Variants in EPS15 observed in about 807,000 individuals in gnomAD.
The protein encoded by EPS15 is epidermal growth factor receptor pathway substrate 15.
Under a neutral mutation model 113.8 loss-of-function variants are expected in EPS15, and 72 were observed. That is an observed-to-expected ratio of 0.63 (90% CI 0.52 to 0.77). The LOEUF is 0.77. Ranked by LOEUF, EPS15 falls within the 30% of genes least tolerant of loss-of-function variation. EPS15 has a pLI of 0.00. For missense variants in EPS15, 1,048 were observed against 1,045.8 expected (o/e 1.00, Z -0.03); for synonymous variants, 344 against 363.4 (o/e 0.95, Z 0.61).
intron 21 of EPS15, among the ~76,000 whole-genome samples, chr1:51,375,189 G>A (rs1326954097): frequency 6.6e-6 from 1 of 151,278 alleles, no homozygotes; most frequent in Non-Finnish European, 1.5e-5. Context: ...TTTTAGTAGA[G>A]ACAGGGTTTC....
chr1:51,503,228 A>G (rs191253805), intron 1 of EPS15, among the ~76,000 whole-genome samples: 2 of 152,354 alleles, frequency 1.3e-5, no homozygotes, highest in East Asian at 3.9e-4. Flanking sequence ...CTATAGATTC[A>G]ATGCAATTTA....
chr1:51,417,654 G>C (rs1340002761), intron 13 of EPS15, among the ~76,000 whole-genome samples: 2 of 152,234 alleles, frequency 1.3e-5, no homozygotes, highest in Non-Finnish European at 2.9e-5. Flanking sequence ...GGAAAGACTG[G>C]TGTGGACCAA....
chr1:51,420,262 T>A (rs1222538782), intron 13 of EPS15, among the ~76,000 whole-genome samples: 1 of 152,150 alleles, frequency 6.6e-6, no homozygotes, highest in African/African-American at 2.4e-5. Flanking sequence ...ACACCAAATG[T>A]TCAGGGATAG....
intron 6 of EPS15, 98 bp from the exon 7 acceptor site, chr1:51,463,896 T>C (rs1570361883): frequency 1.7e-6 from 1 of 581,556 alleles, no homozygotes; most frequent in East Asian, 2.9e-5. Flanking sequence ...TACATATGTT[T>C]TTAAACTATC....
Position 51,498,638 on chromosome 1 carries a change from G to A in EPS15, c.34-17324C>T, listed in dbSNP as rs903700091. On this transcript the variant is annotated intron_variant, in intron 1 of 24. Coordinates refer to ENST00000371733, the MANE Select transcript of EPS15 (RefSeq NM_001981.3). ...CATATGATATTTTCCACTTACTATG[G>A]GTTTATCAGGATGCAACCCTATTGT... Among the ~76,000 whole-genome samples the A allele has an allele frequency of 7.2e-5, 11 of 152,062 alleles. 1 individual carries two copies. In the South Asian group the frequency reaches 1.7e-3, roughly 23 times the overall value.
At chr1:51,376,695 C>T (rs1646808391) in intron 21 of EPS15, among the ~76,000 whole-genome samples, 1 of 152,010 alleles carries the variant, frequency 6.6e-6, no homozygotes, top group African/African-American at 2.4e-5. Context: ...ACCCAAAAAT[C>T]TGCTCACTGA....
intron 13 of EPS15, among the ~76,000 whole-genome samples, chr1:51,411,021 CT>C (rs1480428146): frequency 1.3e-5 from 2 of 152,108 alleles, no homozygotes; most frequent in Non-Finnish European, 2.9e-5. Context: ...AAATAGTAAG[CT>C]ATGGATTCAA....
intron 8 of EPS15, among the ~76,000 whole-genome samples, chr1:51,460,308 A>G (rs1654346402): frequency 6.6e-6 from 1 of 152,252 alleles, no homozygotes; most frequent in Non-Finnish European, 1.5e-5. Flanking sequence ...AGAGGTGAAT[A>G]CAACCATATT....
chr1:51,463,906 C>A lies in EPS15; in HGVS notation c.376-108G>T, dbSNP rs368108942. 6 of 535,956 alleles carry A rather than the reference C, an allele frequency of 1.1e-5. No individual in the cohort carries two copies. In the African/African-American group the frequency reaches 1.2e-4, roughly 10 times the overall value. 33.2% of individuals were successfully genotyped at this position (535,956 alleles called of 1,614,324 possible). A position where few individuals can be genotyped will look rare whatever the true frequency, so the allele number is the denominator to read the frequency against. On this transcript the variant is annotated intron_variant, in intron 6 of 24. Transcript: ENST00000371733. ...TAGACTACATATGTTTTTAAACTAT[C>A]ATTTAAAAAACATTTTTCACTTTCA...
chr1:51,459,916 A>G (rs1415365876), intron 8 of EPS15, among the ~76,000 whole-genome samples: 1 of 152,204 alleles, frequency 6.6e-6, no homozygotes. Flanking sequence ...AGAACTGAAG[A>G]AACATAATAC....
intron 20 of EPS15, among the ~76,000 whole-genome samples, chr1:51,398,569 T>C (rs917589278): frequency 6.6e-6 from 1 of 152,222 alleles, no homozygotes; most frequent in Non-Finnish European, 1.5e-5. Flanking sequence ...TGTAGGTATG[T>C]ACATTCTCAA....
At chr1:51,388,020 A>T (rs1001994958) in intron 21 of EPS15, among the ~76,000 whole-genome samples, 1 of 152,124 alleles carries the variant, frequency 6.6e-6, no homozygotes, top group Non-Finnish European at 1.5e-5. Flanking sequence ...AATATACATT[A>T]TTTTCAGCAC....
intron 12 of EPS15, among the ~76,000 whole-genome samples, chr1:51,430,090 G>T: frequency 6.6e-6 from 1 of 152,074 alleles, no homozygotes; most frequent in East Asian, 1.9e-4. Flanking sequence ...GGAAGCAGAG[G>T]CTCTTATCGC....
intron 2 of EPS15, among the ~76,000 whole-genome samples, chr1:51,473,558 C>G (rs1379214752): frequency 6.6e-6 from 1 of 151,814 alleles, no homozygotes; most frequent in Non-Finnish European, 1.5e-5. Flanking sequence ...TCCTTTAAGA[C>G]AGAATGAGGT....
chr1:51,463,529 A>T (rs1654627549), intron 7 of EPS15, 144 bp downstream of exon 7: 2 of 520,156 alleles, frequency 3.8e-6, no homozygotes, highest in Non-Finnish European at 6.6e-6. Flanking sequence ...TTATACATTA[A>T]GTCAGAAAAC....
chr1:51,468,239 C>T (rs1333041560), intron 5 of EPS15, among the ~76,000 whole-genome samples: 1 of 152,026 alleles, frequency 6.6e-6, no homozygotes, highest in South Asian at 2.1e-4. Context: ...GGATTACAGG[C>T]GTGAGCAACC....
rs148283390 is a variant in EPS15, at chr1:51,434,654, C to A, written c.1040+5693G>T. On this transcript the variant is annotated intron_variant, in intron 12 of 24. Transcript: ENST00000371733. ...TGGAAATGAATGGTGATGATGGTTG[C>A]ACAACACTGTGAATATATTTCTTTT... Among the ~76,000 whole-genome samples, 920 of 152,172 alleles carry A rather than the reference C, an allele frequency of 6.0e-3. 11 individuals carry two copies. The highest frequency in any genetic ancestry group is 0.021 in the African/African-American group (885 of 41,524).
chr1:51,490,796 C>T (rs1644219422), intron 1 of EPS15, among the ~76,000 whole-genome samples: 1 of 152,092 alleles, frequency 6.6e-6, no homozygotes, highest in Non-Finnish European at 1.5e-5. Flanking sequence ...TGAACCCACA[C>T]ATAATAAAAC....
intron 22 of EPS15, among the ~76,000 whole-genome samples, chr1:51,365,256 T>C (rs754117725): frequency 1.3e-5 from 2 of 152,226 alleles, no homozygotes; most frequent in Non-Finnish European, 2.9e-5. Flanking sequence ...CATTGACATT[T>C]CAGGCTGGAC....
Sources: allele counts gnomAD v4.1 joint callset (sites outside exome capture counted in the v4.1 genomes callset), GRCh38; gene constraint gnomAD v4.1.1; transcripts MANE v1.5; gene names NCBI Gene and HGNC (gene_info 2026-07-23, HGNC 2026-07-21).